The following MCF2L2 variants were observed in gnomAD, a reference collection of about 807,000 sequenced individuals.
The protein encoded by MCF2L2 is MCF.2 cell line derived transforming sequence-like 2, also known as probable guanine nucleotide exchange factor MCF2L2.
A neutral mutation model predicts 150.2 loss-of-function variants in MCF2L2; 102 were observed. The observed-to-expected ratio is 0.68, with a 90% CI of 0.58 to 0.80. The LOEUF is 0.80. Ranked by LOEUF, MCF2L2 falls within the 30% of genes least tolerant of loss-of-function variation. The probability of loss-of-function intolerance (pLI) is 0.00; values close to 1 mark genes in which losing one functional copy is unlikely to be tolerated. For missense variants in MCF2L2, 1,256 were observed against 1,372.8 expected, an observed-to-expected ratio of 0.91 and a Z score of 1.34; for synonymous variants, 465 against 491.3, an observed-to-expected ratio of 0.95 and a Z score of 0.71.
chr3:183,196,006 C>G (rs544527978), intron 25 of MCF2L2, among the ~76,000 whole-genome samples: 1 of 152,182 alleles, frequency 6.6e-6, no homozygotes, highest in African/African-American at 2.4e-5. Flanking sequence ...CCTGCCCCTG[C>G]ACTCTTCTGG....
At chr3:183,378,714 CT>C (rs902390242) in intron 3 of MCF2L2, 5 of 152,118 alleles carry the variant, frequency 3.3e-5, no homozygotes, top group Non-Finnish European at 7.3e-5. Flanking sequence ...CCAGAATAAC[CT>C]TTAGCTAAAG....
intron 15 of MCF2L2, among the ~76,000 whole-genome samples, chr3:183,257,456 A>C (rs1269439137): frequency 3.3e-5 from 5 of 152,188 alleles, no homozygotes; most frequent in Non-Finnish European, 7.4e-5. Context: ...TGATAAGTTA[A>C]TGTTTGTTGA....
At chr3:183,281,325 T>C (rs2108466680) in intron 14 of MCF2L2, among the ~76,000 whole-genome samples, 1 of 149,454 alleles carries the variant, frequency 6.7e-6, no homozygotes, top group African/African-American at 2.5e-5. Context: ...TCTGTCTTCC[T>C]CTCCAGAACT....
At chr3:183,425,780 C>T (rs890486865) in intron 1 of MCF2L2, among the ~76,000 whole-genome samples, 4 of 152,048 alleles carry the variant, frequency 2.6e-5, no homozygotes, top group African/African-American at 4.8e-5. Flanking sequence ...TGGAGAAACC[C>T]GTCTCTACTA....
At chr3:183,265,581 G>C (rs1261701326) in intron 15 of MCF2L2, 2 of 152,278 alleles carry the variant, frequency 1.3e-5, no homozygotes, top group African/African-American at 4.8e-5. Context: ...ACTTGTAATT[G>C]ATCAATTTAG....
intron 14 of MCF2L2, among the ~76,000 whole-genome samples, chr3:183,280,860 A>T (rs1312150688): frequency 6.6e-6 from 1 of 151,330 alleles, no homozygotes; most frequent in African/African-American, 2.4e-5. Flanking sequence ...AAAAAAAAAA[A>T]AACAAACAAG....
At chr3:183,225,177 A>G (rs1040275695) in intron 18 of MCF2L2, 1 of 152,282 alleles carries the variant, frequency 6.6e-6, no homozygotes, top group Non-Finnish European at 1.5e-5. Flanking sequence ...ACATTGCTAT[A>G]GTGGATGACT....
intron 1 of MCF2L2, among the ~76,000 whole-genome samples, chr3:183,418,403 T>C (rs1480737035): frequency 2.0e-5 from 3 of 152,174 alleles, no homozygotes; most frequent in Non-Finnish European, 4.4e-5. Flanking sequence ...TCATGTCCTT[T>C]CCACATTTCA....
intron 20 of MCF2L2, among the ~76,000 whole-genome samples, chr3:183,221,846 A>T (rs771396260): frequency 7.2e-5 from 11 of 152,296 alleles, no homozygotes; most frequent in Non-Finnish European, 1.2e-4. Flanking sequence ...GGCTGTGCCA[A>T]GCCCTCCGCA....
intron 14 of MCF2L2, among the ~76,000 whole-genome samples, chr3:183,281,141 G>A (rs1444554280): frequency 6.6e-6 from 1 of 152,126 alleles, no homozygotes; most frequent in African/African-American, 2.4e-5. Context: ...GAAAAGGTAT[G>A]TCAAGTAAGA....
At chr3:183,192,304 G>A (rs831245) in intron 27 of MCF2L2, among the ~76,000 whole-genome samples, 136,402 of 152,078 alleles carry the variant, frequency 0.9, 61,266 homozygotes, top group East Asian at 1. Flanking sequence ...ACGCCCGGCT[G>A]ATTTTTGTAT....
At chr3:183,298,765 G>GCGCGCACGCGCGCGCGCACA in intron 11 of MCF2L2, 1 of 138,500 alleles carries the variant, frequency 7.2e-6, no homozygotes, top group African/African-American at 2.9e-5. Flanking sequence ...AAACACACAT[G>GCGCGCACGCGCGCGCGCACA]CACACACACA....
intron 3 of MCF2L2, among the ~76,000 whole-genome samples, chr3:183,364,838 C>T (rs1464938882): frequency 6.6e-6 from 1 of 152,124 alleles, no homozygotes; most frequent in East Asian, 1.9e-4. Flanking sequence ...AAATTAACCT[C>T]ATCAGAAATG....
At chr3:183,338,660 A>C (rs532439593) in intron 5 of MCF2L2, 140 bp downstream of exon 5, 57 of 738,590 alleles carry the variant, frequency 7.7e-5, no homozygotes, top group Non-Finnish European at 1.1e-4. Context: ...CTATGCCTTC[A>C]CACATGCGGT....
At chr3:183,198,965 A>G (rs1329478602) in intron 25 of MCF2L2, among the ~76,000 whole-genome samples, 4 of 152,228 alleles carry the variant, frequency 2.6e-5, no homozygotes, top group Non-Finnish European at 4.4e-5. Flanking sequence ...AAACAAAAGT[A>G]AACCATAGTT....
At chr3:183,364,252 T>C (rs561176467) in intron 3 of MCF2L2, among the ~76,000 whole-genome samples, 135 of 152,172 alleles carry the variant, frequency 8.9e-4, no homozygotes, top group East Asian at 5.4e-3. Context: ...AGCAGGGGCT[T>C]ACGTCTGTAA....
intron 14 of MCF2L2, among the ~76,000 whole-genome samples, chr3:183,286,268 A>G (rs2108474070): frequency 6.6e-6 from 1 of 152,154 alleles, no homozygotes; most frequent in Non-Finnish European, 1.5e-5. Flanking sequence ...TTCTCGGTAT[A>G]TTTACTCTCA....
At chr3:183,254,387 A>C (rs1369465471) in intron 15 of MCF2L2, among the ~76,000 whole-genome samples, 1 of 151,808 alleles carries the variant, frequency 6.6e-6, no homozygotes, top group African/African-American at 2.4e-5. Flanking sequence ...CCGCCCTCTG[A>C]AAGCGCGGCG....
Position 183,180,622 on chromosome 3 carries a change from TC to T in MCF2L2, c.3017-464del, listed in dbSNP as rs151058649. On this transcript the variant is annotated intron_variant, in intron 27 of 29. Transcript: ENST00000328913. ...TCAGAGGAACAAGCAAGTGCATCCA[TC>T]CTGCCTCTCTCTGCAGTGAACTGAT... 2.6e-5 allele frequency among the ~76,000 whole-genome samples: 4 copies of T among 152,336 alleles called. No homozygotes were observed. The East Asian group carries it at 7.7e-4, about 29-fold the overall frequency.
Sources: allele counts gnomAD v4.1 joint callset (sites outside exome capture counted in the v4.1 genomes callset), GRCh38; gene constraint gnomAD v4.1.1; transcripts MANE v1.5; gene names NCBI Gene and HGNC (gene_info 2026-07-23, HGNC 2026-07-21).